The following MAP2 variants were observed in gnomAD, a reference collection of about 807,000 sequenced individuals.
MAP2 encodes microtubule associated protein 2.
In MAP2, 14 loss-of-function variants were observed where a neutral mutation model predicts 137.6. The observed-to-expected ratio is 0.10, with a 90% confidence interval of 0.07 to 0.16. The LOEUF (loss-of-function observed/expected upper bound fraction) is 0.16, where lower values mean the gene tolerates loss of function less well. Ranked by LOEUF, MAP2 falls within the 10% of genes least tolerant of loss-of-function variation. The pLI is 1.00. For missense variants in MAP2, 2,088 were observed against 2,191.5 expected (o/e 0.95, Z 0.94); for synonymous variants, 786 against 782.3 (o/e 1.00, Z -0.08).
chr2:209,433,718 T>G (rs1192981776), intron 1 of MAP2, among the ~76,000 whole-genome samples: 1 of 152,114 alleles, frequency 6.6e-6, no homozygotes, highest in East Asian at 1.9e-4. Context: ...AAGAGTAGAC[T>G]TTTGGTAAGC....
At chr2:209,577,278 T>A (rs1373945173) in intron 2 of MAP2, among the ~76,000 whole-genome samples, 4 of 152,046 alleles carry the variant, frequency 2.6e-5, no homozygotes, top group African/African-American at 9.7e-5. Context: ...ACCTGAAATC[T>A]CTTGTGATTA....
At chr2:209,430,785 A>C (rs1030047290) in intron 1 of MAP2, among the ~76,000 whole-genome samples, 26 of 152,304 alleles carry the variant, frequency 1.7e-4, no homozygotes, top group Middle Eastern at 3.4e-3. Flanking sequence ...TAAACATCAG[A>C]AACCAGGACT....
intron 11 of MAP2, among the ~76,000 whole-genome samples, chr2:209,704,946 C>T (rs1469561065): frequency 1.3e-5 from 2 of 150,382 alleles, no homozygotes; most frequent in African/African-American, 2.4e-5. Flanking sequence ...TAATATTGTA[C>T]AGTACAATAA....
chr2:209,726,530 A>C (rs1184062053), intron 14 of MAP2, among the ~76,000 whole-genome samples: 1 of 152,198 alleles, frequency 6.6e-6, no homozygotes, highest in East Asian at 1.9e-4. Context: ...AATCCAAGGC[A>C]GGAGGATTGC....
At chr2:209,592,027 T>A (rs1050490252) in intron 3 of MAP2, among the ~76,000 whole-genome samples, 4 of 152,194 alleles carry the variant, frequency 2.6e-5, no homozygotes, top group East Asian at 3.9e-4. Context: ...ATCTTGTCTC[T>A]TCCCAACTCC....
intron 1 of MAP2, among the ~76,000 whole-genome samples, chr2:209,449,399 G>A (rs1049629727): frequency 3.3e-5 from 5 of 152,150 alleles, no homozygotes; most frequent in African/African-American, 7.2e-5. Context: ...TGGATGTTTA[G>A]AGAATGCGTT....
chr2:209,528,758 A>T (rs2064518873), intron 2 of MAP2, among the ~76,000 whole-genome samples: 1 of 146,066 alleles, frequency 6.8e-6, no homozygotes, highest in Non-Finnish European at 1.5e-5. Context: ...GTACATATGT[A>T]TGTATATATG....
At chr2:209,702,434 T>A (rs1386383419) in intron 11 of MAP2, among the ~76,000 whole-genome samples, 2 of 152,014 alleles carry the variant, frequency 1.3e-5, no homozygotes, top group African/African-American at 4.8e-5. Flanking sequence ...GTTCAGTATA[T>A]CCATCAGTAC....
rs932771566 is a variant in MAP2 at position 209,534,006 on chromosome 2, G to A, written c.-172+26365G>A. Among the ~76,000 whole-genome samples, 127 of 152,312 alleles carry A rather than the reference G, an allele frequency of 8.3e-4. 1 individual carries two copies. The highest frequency in any genetic ancestry group is 1.6e-4 in the Non-Finnish European group (11 of 68,022). On this transcript the variant is annotated intron_variant, in intron 2 of 15. Coordinates refer to ENST00000682079, the MANE Select transcript of MAP2 (RefSeq NM_001375505.1). ...CTGAAGGAACTAGGGCATCCCAAGA[G>A]ACCTGGCTTCAAAGGGCCGTCCAGC... is the stretch of plus-strand genomic sequence containing the variant.
intron 3 of MAP2, among the ~76,000 whole-genome samples, chr2:209,609,093 G>A (rs1180898689): frequency 6.6e-6 from 1 of 151,910 alleles, no homozygotes. Context: ...TTGAAATCAG[G>A]AAGGGTGTTT....
At chr2:209,519,939 G>A (rs1398873259) in intron 2 of MAP2, among the ~76,000 whole-genome samples, 1 of 152,046 alleles carries the variant, frequency 6.6e-6, no homozygotes, top group African/African-American at 2.4e-5. Flanking sequence ...GCAAGGGAAG[G>A]CAGACCTTGT....
chr2:209,573,049 G>T (rs1444415648), intron 2 of MAP2, among the ~76,000 whole-genome samples: 1 of 152,068 alleles, frequency 6.6e-6, no homozygotes, highest in Non-Finnish European at 1.5e-5. Flanking sequence ...AAGAATTCAA[G>T]AAACACTTCT....
At chr2:209,674,383 T>C (rs1426768720) in intron 5 of MAP2, among the ~76,000 whole-genome samples, 2 of 151,868 alleles carry the variant, frequency 1.3e-5, no homozygotes, top group Non-Finnish European at 2.9e-5. Flanking sequence ...CCAGGCCTGT[T>C]ATATAATTAT....
At chr2:209,723,662 T>A (rs2072424657) in intron 13 of MAP2, 1 of 1,613,990 alleles carries the variant, frequency 6.2e-7, no homozygotes, top group East Asian at 2.2e-5. Context: ...AAGGATAACA[T>A]CAAACATTCG....
At chr2:209,601,935 T>A (rs186904971) in intron 3 of MAP2, among the ~76,000 whole-genome samples, 1 of 152,336 alleles carries the variant, frequency 6.6e-6, no homozygotes, top group Admixed American at 6.5e-5. Context: ...GAAAGGAGGC[T>A]GTTTACTTGT....
chr2:209,435,998 T>TAATATATACAGTATATATTATATATA (rs1559159522), intron 1 of MAP2, among the ~76,000 whole-genome samples: 1,205 of 88,784 alleles, frequency 0.014, 312 homozygotes, highest in Middle Eastern at 0.031. Flanking sequence ...TATTATATAC[T>TAATATATACAGTATATATTATATATA]ATATATACAG....
chr2:209,568,516 G>A (rs2073870629), intron 2 of MAP2, among the ~76,000 whole-genome samples: 1 of 151,916 alleles, frequency 6.6e-6, no homozygotes, highest in South Asian at 2.1e-4. Context: ...AAGTTCTGCT[G>A]GCTCTCCAAT....
At chr2:209,566,050 C>T (rs188764891) in intron 2 of MAP2, among the ~76,000 whole-genome samples, 91 of 152,292 alleles carry the variant, frequency 6.0e-4, no homozygotes, top group African/African-American at 2.0e-3. Context: ...CCTCACTCAG[C>T]GACTGCTGAC....
At chr2:209,635,088 G>A (rs1228105329) in intron 4 of MAP2, among the ~76,000 whole-genome samples, 1 of 151,976 alleles carries the variant, frequency 6.6e-6, no homozygotes, top group African/African-American at 2.4e-5. Context: ...CACAGCAAGA[G>A]CTCTGACTCT....
Sources: allele counts gnomAD v4.1 joint callset (sites outside exome capture counted in the v4.1 genomes callset), GRCh38; gene constraint gnomAD v4.1.1; transcripts MANE v1.5; gene names NCBI Gene and HGNC (gene_info 2026-07-23, HGNC 2026-07-21).